The following COL26A1 variants were observed in gnomAD, a reference collection of about 807,000 sequenced individuals.
COL26A1 encodes collagen type XXVI alpha 1 chain.
A neutral mutation model predicts 59.3 loss-of-function variants in COL26A1; 41 were observed. The observed-to-expected ratio is 0.69, with a 90% CI of 0.54 to 0.90. The LOEUF is 0.90. Among genes scored for constraint, COL26A1 ranks in the 40% least tolerant of loss-of-function variants. COL26A1 has a pLI of 0.00. For missense variants in COL26A1, 612 were observed against 602.3 expected (o/e 1.02, Z -0.17); for synonymous variants, 266 against 256.0 (o/e 1.04, Z -0.37).
chr7:101,425,415 C>T (rs887136509), intron 2 of COL26A1, among the ~76,000 whole-genome samples: 22 of 152,174 alleles, frequency 1.4e-4, no homozygotes, highest in African/African-American at 4.8e-4. Flanking sequence ...CTGTGTTCCC[C>T]ATACCTGGCT....
At chr7:101,394,236 G>A (rs58381223) in intron 1 of COL26A1, among the ~76,000 whole-genome samples, 7,790 of 152,212 alleles carry the variant, frequency 0.051, 661 homozygotes, top group African/African-American at 0.18. Context: ...TCCAGCCAAG[G>A]GACAGGGGGA....
At chr7:101,535,173 A>T (rs1378644096) in intron 4 of COL26A1, among the ~76,000 whole-genome samples, 1 of 152,018 alleles carries the variant, frequency 6.6e-6, no homozygotes, top group Non-Finnish European at 1.5e-5. Context: ...CTCTCCTTGG[A>T]GTCTTAGCTC....
At chr7:101,538,328 T>C (rs886366237) in intron 4 of COL26A1, among the ~76,000 whole-genome samples, 1 of 152,198 alleles carries the variant, frequency 6.6e-6, no homozygotes, top group South Asian at 2.1e-4. Flanking sequence ...CCGCTCTCTG[T>C]GCCTCCACGA....
chr7:101,363,543 C>T (rs900548736), intron 1 of COL26A1, among the ~76,000 whole-genome samples: 1 of 26,270 alleles, frequency 3.8e-5, no homozygotes, highest in Non-Finnish European at 7.0e-5. Context: ...CGCGGGGCGG[C>T]GGGGGTTGGG....
At chr7:101,404,894 T>TTATTTA (rs1792091688) in intron 1 of COL26A1, among the ~76,000 whole-genome samples, 1 of 149,668 alleles carries the variant, frequency 6.7e-6, no homozygotes, top group South Asian at 2.1e-4. Context: ...AGAGTGAGAT[T>TTATTTA]TTGTCTCCAA....
chr7:101,492,924 G>T (rs1026058704), intron 3 of COL26A1, among the ~76,000 whole-genome samples: 6 of 151,584 alleles, frequency 4.0e-5, no homozygotes, highest in Admixed American at 1.3e-4. Context: ...TAGGGGTCTT[G>T]CTGTGTTGCC....
intron 3 of COL26A1, among the ~76,000 whole-genome samples, chr7:101,449,693 A>G (rs1793283223): frequency 6.6e-6 from 1 of 152,102 alleles, no homozygotes; most frequent in South Asian, 2.1e-4. Context: ...TCACTGATGT[A>G]TGTGTGTATA....
intron 2 of COL26A1, among the ~76,000 whole-genome samples, chr7:101,430,393 A>T (rs1792750821): frequency 6.6e-6 from 1 of 151,538 alleles, no homozygotes; most frequent in African/African-American, 2.4e-5. Flanking sequence ...GGTTCAAGCG[A>T]TTCTCCTGCC....
intron 12 of COL26A1, among the ~76,000 whole-genome samples, chr7:101,556,608 T>C (rs944517940): frequency 6.6e-6 from 1 of 152,052 alleles, no homozygotes; most frequent in Non-Finnish European, 1.5e-5. Flanking sequence ...AATGGATGGA[T>C]GGATGGATGA....
chr7:101,383,901 C>A (rs112631982), intron 1 of COL26A1, among the ~76,000 whole-genome samples: 1 of 152,220 alleles, frequency 6.6e-6, no homozygotes, highest in Non-Finnish European at 1.5e-5. Flanking sequence ...AACTCTTGAC[C>A]TCAGCTGATC....
intron 3 of COL26A1, among the ~76,000 whole-genome samples, chr7:101,449,115 G>T (rs1423958987): frequency 6.6e-6 from 1 of 152,198 alleles, no homozygotes; most frequent in Admixed American, 6.5e-5. Context: ...GGCTATCCTT[G>T]TTGGAGGTTC....
At chr7:101,551,805 C>T (rs1795869181) in intron 10 of COL26A1, among the ~76,000 whole-genome samples, 1 of 151,766 alleles carries the variant, frequency 6.6e-6, no homozygotes, top group African/African-American at 2.4e-5. Flanking sequence ...GAGTCAGGCG[C>T]TTCCTTGATG....
In COL26A1 at chr7:101,539,944, C is replaced by G; in HGVS notation, c.499C>G (p.Pro167Ala). ...GCCCTCCAGCCCGGACAACGACCTG[C>G]CAGCCCCCGAGAGCACTCCGCCGAC... Reference protein sequence around the residue: ...ERPSSPDNDLPAPESTPPTWN... With the variant: ...ERPSSPDNDLAAPESTPPTWN... The change falls in exon 5 of 13, where the codon CCA (proline) becomes GCA (alanine). Residue 167 changes from proline to alanine, a missense_variant. Pro to Ala is a conservative substitution (Grantham distance 27). Transcript: ENST00000313669. 1 of 1,613,676 alleles carries G rather than the reference C, an allele frequency of 6.2e-7. No homozygotes were observed. The highest frequency in any genetic ancestry group is 1.1e-5 in the South Asian group (1 of 91,042).
intron 1 of COL26A1, among the ~76,000 whole-genome samples, chr7:101,390,003 AC>A (rs1282483793): frequency 6.6e-6 from 1 of 151,512 alleles, no homozygotes; most frequent in African/African-American, 2.4e-5. Context: ...AGAAATTTTT[AC>A]TTTTGATGTA....
intron 12 of COL26A1, among the ~76,000 whole-genome samples, chr7:101,557,027 G>A (rs1044796771): frequency 1.4e-5 from 2 of 141,748 alleles, no homozygotes; most frequent in African/African-American, 2.7e-5. Context: ...ATGGATGGAT[G>A]GATGGATGGA....
At chr7:101,397,910 AG>A (rs1791898007) in intron 1 of COL26A1, among the ~76,000 whole-genome samples, 2 of 152,202 alleles carry the variant, frequency 1.3e-5, no homozygotes, top group Admixed American at 1.3e-4. Flanking sequence ...ACCACCATTC[AG>A]GCCCAGAGGG....
chr7:101,410,310 T>C (rs1001630989), intron 1 of COL26A1, among the ~76,000 whole-genome samples: 1 of 152,182 alleles, frequency 6.6e-6, no homozygotes, highest in Admixed American at 6.5e-5. Flanking sequence ...TCCTGAATGC[T>C]AAGTTATTAC....
intron 2 of COL26A1, among the ~76,000 whole-genome samples, chr7:101,428,339 C>T (rs1316467342): frequency 1.3e-4 from 16 of 121,004 alleles, no homozygotes; most frequent in Non-Finnish European, 2.6e-4. Flanking sequence ...GCCTGGGCAA[C>T]ACAGTGAGAC....
rs1177502295 is a variant in COL26A1 at position 101,489,601 on chromosome 7, T to TTTTCTTTCTTTCTTTCTTTC, written c.385+41857_385+41876dup. ...CACCACACTCGGCTATTTTCTTTCT[T>TTTTCTTTCTTTCTTTCTTTC]TTTCTTTCTTTCTTTCTTTCTTTCT... On this transcript the variant is annotated intron_variant, in intron 3 of 12. Coordinates refer to ENST00000313669, the MANE Select transcript of COL26A1 (RefSeq NM_001278563.3). Among the ~76,000 whole-genome samples the TTTTCTTTCTTTCTTTCTTTC allele has an allele frequency of 2.7e-4, 28 of 105,232 alleles. 3 individuals are homozygous for TTTTCTTTCTTTCTTTCTTTC. The highest frequency in any genetic ancestry group is 1.1e-3 in the East Asian group (3 of 2,790). 69.0% of individuals were successfully genotyped at this position (105,232 alleles called of 152,430 possible).
Sources: gnomAD v4.1 joint callset for allele counts (sites outside exome capture counted in the v4.1 genomes callset) on GRCh38, gnomAD v4.1.1 for gene constraint, MANE v1.5 for transcripts, NCBI Gene and HGNC (gene_info 2026-07-23, HGNC 2026-07-21) for gene names.